The following PRELID3A variants were observed in gnomAD, a reference collection of about 807,000 sequenced individuals.
The protein encoded by PRELID3A is PRELI domain containing 3A.
In PRELID3A, 27 loss-of-function variants were observed where a neutral mutation model predicts 23.0. That is an observed-to-expected ratio of 1.17 (90% CI 0.87 to 1.62). The LOEUF is 1.62. Among genes scored for constraint, PRELID3A ranks in the 40% most tolerant of loss-of-function variants. PRELID3A has a pLI of 0.00. For synonymous variants in PRELID3A, 87 were observed against 86.4 expected, an observed-to-expected ratio of 1.01 and a Z score of -0.04; for missense variants, 231 against 231.4, an observed-to-expected ratio of 1.00 and a Z score of 0.01.
chr18:12,427,136 C>A (rs1338385827), intron 4 of PRELID3A, 25 bp downstream of exon 4: 1 of 1,604,034 alleles, frequency 6.2e-7, no homozygotes, highest in Admixed American at 1.7e-5. Context: ...GTGGGATTGA[C>A]ACATTGAATG....
chr18:12,420,162 G>A, intron 1 of PRELID3A, 163 bp from the exon 2 acceptor site: 2 of 1,428,574 alleles, frequency 1.4e-6, no homozygotes, highest in East Asian at 2.5e-5. Context: ...CTGAGCCGGC[G>A]GCCGGGGAGG....
intron 5 of PRELID3A, among the ~76,000 whole-genome samples, chr18:12,429,072 C>T (rs3760548): frequency 0.43 from 64,710 of 151,834 alleles, 15,441 homozygotes; most frequent in Middle Eastern, 0.67. Flanking sequence ...GCAGCCTCAG[C>T]GCTGGGATTT....
At chr18:12,427,169 C>A in intron 4 of PRELID3A, 52 bp from the exon 5 acceptor site, 1 of 1,600,120 alleles carries the variant, frequency 6.2e-7, no homozygotes. Flanking sequence ...GCAGGGCAGA[C>A]CCTCCTCTCT....
Position 12,429,527 on chromosome 18 carries a change from C to T in PRELID3A, c.*33+91C>T, listed in dbSNP as rs142323080. On this transcript the variant is annotated intron_variant, in intron 6 of 6. Coordinates refer to ENST00000440960, the MANE Select transcript of PRELID3A (RefSeq NM_001142405.2). ...ACATGGTGAGGGGACGCCAGAAGTA[C>T]GCAGCTGCTGGTGGCTCTCCAGCCC... 8.3e-4 allele frequency: 641 copies of T among 774,622 alleles called. 4 individuals carry two copies. The East Asian group carries it at 0.016, about 20-fold the overall frequency. The allele number at this position is 774,622 out of a possible 1,614,324, so 48.0% of individuals were successfully genotyped here.
At chr18:12,424,888 C>G (rs1352497346) in intron 3 of PRELID3A, among the ~76,000 whole-genome samples, 1 of 152,182 alleles carries the variant, frequency 6.6e-6, no homozygotes, top group Non-Finnish European at 1.5e-5. Context: ...AATCCCAGCA[C>G]TTTGGGAGGC....
intron 6 of PRELID3A, among the ~76,000 whole-genome samples, chr18:12,430,800 G>C (rs1190966728): frequency 6.7e-6 from 1 of 150,104 alleles, no homozygotes; most frequent in African/African-American, 2.5e-5. Context: ...GCATGTGTGT[G>C]ATGTGTGTGT....
intron 1 of PRELID3A, 152 bp from the exon 2 acceptor site, chr18:12,420,173 G>A (rs1051634013): frequency 7.0e-7 from 1 of 1,431,390 alleles, no homozygotes. Flanking sequence ...GCCGGGGAGG[G>A]CTCGCGGGAC....
intron 1 of PRELID3A, among the ~76,000 whole-genome samples, chr18:12,409,167 T>TTTG (rs1909828599): frequency 7.4e-6 from 1 of 134,344 alleles, no homozygotes; most frequent in Non-Finnish European, 1.6e-5. Context: ...GGGTTTTTTT[T>TTTG]TTTTTTTTTT....
chr18:12,416,394 C>T (rs991720999), intron 1 of PRELID3A, among the ~76,000 whole-genome samples: 2 of 152,184 alleles, frequency 1.3e-5, no homozygotes, highest in South Asian at 2.1e-4. Context: ...GCTGCAGCCT[C>T]GACCTCCGGT....
chr18:12,429,127 C>T (rs1455340405), intron 5 of PRELID3A, among the ~76,000 whole-genome samples: 2 of 152,150 alleles, frequency 1.3e-5, no homozygotes, highest in East Asian at 3.9e-4. Flanking sequence ...AAGCCGGGCG[C>T]TGGTTTGCTA....
At chr18:12,416,664 T>G (rs1379069864) in intron 1 of PRELID3A, among the ~76,000 whole-genome samples, 1 of 98,690 alleles carries the variant, frequency 1.0e-5, no homozygotes, top group African/African-American at 4.1e-5. Flanking sequence ...TTTTTTTTTT[T>G]AGACAGAGTC....
At chr18:12,430,935 G>A (rs2030570995) in intron 6 of PRELID3A, among the ~76,000 whole-genome samples, 1 of 151,454 alleles carries the variant, frequency 6.6e-6, no homozygotes, top group Non-Finnish European at 1.5e-5. Flanking sequence ...TGTGTGTGAT[G>A]TGTATTGTGT....
chr18:12,425,445 C>T (rs1424653899), intron 3 of PRELID3A, among the ~76,000 whole-genome samples: 10 of 145,798 alleles, frequency 6.9e-5, no homozygotes, highest in African/African-American at 1.3e-4. Context: ...ATGGTGAAAC[C>T]CCGTCTCTAC....
intron 3 of PRELID3A, among the ~76,000 whole-genome samples, chr18:12,426,321 A>G (rs370721522): frequency 0.01 from 1,561 of 151,500 alleles, 14 homozygotes; most frequent in Non-Finnish European, 0.017. Flanking sequence ...TTGGGAGGCC[A>G]AGGCGGGCGG....
rs190623597 is a variant in PRELID3A at position 12,419,105 on chromosome 18, C to T, written c.33-1220C>T. ...TTGGGACGCTGAGGCAGGCGGATCA[C>T]GAGGTCAGCAGTTTGAGACAAGCCT... On this transcript the variant is annotated intron_variant, in intron 1 of 6. Coordinates refer to ENST00000440960, the MANE Select transcript of PRELID3A (RefSeq NM_001142405.2). Among the ~76,000 whole-genome samples, 1,513 of 151,490 alleles carry T rather than the reference C, an allele frequency of 1.0e-2. 8 individuals are homozygous for T. The highest frequency in any genetic ancestry group is 0.018 in the Non-Finnish European group (1,247 of 67,878).
chr18:12,430,210 G>A (rs538541353), intron 6 of PRELID3A, among the ~76,000 whole-genome samples: 1 of 152,340 alleles, frequency 6.6e-6, no homozygotes, highest in African/African-American at 2.4e-5. Flanking sequence ...CCTCCTTCAT[G>A]GCCGCACCCT....
At chr18:12,420,699 C>T (rs2030145447) in intron 2 of PRELID3A, among the ~76,000 whole-genome samples, 1 of 107,212 alleles carries the variant, frequency 9.3e-6, no homozygotes, top group Non-Finnish European at 1.9e-5. Flanking sequence ...TCAGGGGGCA[C>T]GGGCTGGGGG....
Position 12,420,448 on chromosome 18 carries a change from G to T in PRELID3A, c.156G>T (p.Leu52Phe). ...ACGGCCGCGGCCGCCTGCACAGCTT[G>T]CGCCTGCTCAGCACCGAGTGGGGGC... ...RVDGRGRLHS[L>F]RLLSTEWGLP... Residue 52 changes from leucine to phenylalanine, a missense_variant, in exon 2 of 7, where the codon TTG becomes TTT. Physicochemically the swap from Leu to Phe is conservative, Grantham distance 22. Transcript: ENST00000440960. 2 of 1,575,370 alleles carry T rather than the reference G, an allele frequency of 1.3e-6. No homozygotes were observed. The highest frequency in any genetic ancestry group is 1.7e-6 in the Non-Finnish European group (2 of 1,161,534).
At chr18:12,429,121 C>T (rs762182708) in intron 5 of PRELID3A, among the ~76,000 whole-genome samples, 6 of 152,142 alleles carry the variant, frequency 3.9e-5, no homozygotes, top group East Asian at 1.9e-4. Context: ...TGAGCTAAGC[C>T]GGGCGCTGGT....
Sources: allele counts gnomAD v4.1 joint callset (sites outside exome capture counted in the v4.1 genomes callset), GRCh38; gene constraint gnomAD v4.1.1; transcripts MANE v1.5; gene names NCBI Gene and HGNC (gene_info 2026-07-23, HGNC 2026-07-21).